The following ZNF492 variants were observed in gnomAD, a reference collection of about 807,000 sequenced individuals.
ZNF492 encodes zinc finger protein 492.
ZNF492 carries 3 observed loss-of-function variants against 6.4 expected under a neutral mutation model. The observed-to-expected ratio is 0.47, with a 90% CI of 0.21 to 1.22. ZNF492 has a LOEUF of 1.22. ZNF492 is among the 50% of genes most tolerant of loss of function. The pLI is 0.22. For synonymous variants in ZNF492, 112 were observed against 205.3 expected (o/e 0.55, Z 3.89); for missense variants, 356 against 612.5 (o/e 0.58, Z 4.42).
chr19:22,636,026 C>T (rs916397262), intron 1 of ZNF492, among the ~76,000 whole-genome samples: 2 of 152,170 alleles, frequency 1.3e-5, no homozygotes, highest in Non-Finnish European at 1.5e-5. Context: ...TCCCATTCTC[C>T]AACCTCAACT....
intron 3 of ZNF492, among the ~76,000 whole-genome samples, chr19:22,661,835 G>T (rs946533788): frequency 2.6e-5 from 4 of 152,028 alleles, no homozygotes; most frequent in African/African-American, 9.7e-5. Context: ...GACCTCAGCT[G>T]ATCCTCCCAC....
Position 22,653,372 on chromosome 19 carries a change from C to A in ZNF492, c.-28C>A, listed in dbSNP as rs765892342. ...TGGAGGAGTGGCAATGCCTGGACAC[C>A]GCACAGCAGAATTTATATAGGAATG... On this transcript the variant is annotated 5_prime_UTR_variant, in exon 2 of 4. Transcript: ENST00000456783. 3 of 1,613,760 alleles carry A rather than the reference C, an allele frequency of 1.9e-6. No homozygotes were observed. The highest frequency in any genetic ancestry group is 1.1e-5 in the South Asian group (1 of 91,060).
chr19:22,659,664 G>GTTTTTTT (rs1568356633), intron 3 of ZNF492, among the ~76,000 whole-genome samples: 2 of 126,932 alleles, frequency 1.6e-5, no homozygotes, highest in African/African-American at 3.1e-5. Flanking sequence ...GTTTTTTTTT[G>GTTTTTTT]TTGTTTTTTT....
At position 22,666,230 on chromosome 19, in the gene ZNF492, C is replaced by A. The variant is rs1428513759; in HGVS notation, c.*965C>A. ...TAGATGGAGTCTTGCTCTATCGCCC[C>A]CCCAGGCTGGAGTACAGTGGCACGA... On this transcript the variant is annotated 3_prime_UTR_variant, in exon 4 of 4. Coordinates refer to ENST00000456783, the MANE Select transcript of ZNF492 (RefSeq NM_020855.3). 1 of 150,282 alleles carries A rather than the reference C, an allele frequency of 6.7e-6. No homozygotes were observed. The highest frequency in any genetic ancestry group is 1.5e-5 in the Non-Finnish European group (1 of 67,640). The allele number at this position is 150,282 out of a possible 1,614,324, so 9.3% of individuals were successfully genotyped here.
At chr19:22,650,741 T>C (rs73927075) in intron 1 of ZNF492, among the ~76,000 whole-genome samples, 6,704 of 152,170 alleles carry the variant, frequency 0.044, 529 homozygotes, top group African/African-American at 0.15. Flanking sequence ...GGGACACCTC[T>C]TGGGACCAAG....
Position 22,664,668 on chromosome 19 carries a change from A to C in ZNF492, c.999A>C (p.Gly333=), listed in dbSNP as rs746267985. The C allele has an allele frequency of 6.2e-7, 1 of 1,611,250 alleles. No individual in the cohort carries two copies. Residue 333 remains glycine, a synonymous_variant, in exon 4 of 4, where the codon GGA becomes GGC. Coordinates refer to ENST00000456783, the MANE Select transcript of ZNF492 (RefSeq NM_020855.3). The part of the protein sequence containing the change: ...HLTTHKRIHS[G]EKPYKCEECG... ...CTACACATAAGAGAATTCATTCTGG[A>C]GAGAAACCCTACAAGTGTGAAGAAT...
intron 1 of ZNF492, among the ~76,000 whole-genome samples, chr19:22,650,370 CA>C (rs531977614): frequency 2.7e-4 from 41 of 152,110 alleles, no homozygotes; most frequent in Non-Finnish European, 4.9e-4. Context: ...CTGACAACCC[CA>C]GTTGGAGTAT....
At chr19:22,650,935 G>C (rs1484678747) in intron 1 of ZNF492, among the ~76,000 whole-genome samples, 6 of 152,092 alleles carry the variant, frequency 3.9e-5, no homozygotes, top group African/African-American at 1.2e-4. Flanking sequence ...CTGTAGTGCT[G>C]GTCACCCCTC....
intron 3 of ZNF492, among the ~76,000 whole-genome samples, chr19:22,659,589 CACAGAGAGAG>C (rs1336129992): frequency 6.7e-6 from 1 of 149,846 alleles, no homozygotes; most frequent in African/African-American, 2.5e-5. Flanking sequence ...CACACACACA[CACAGAGAGAG>C]AGAGAGACGT....
In ZNF492 at chr19:22,664,912, C is replaced by G; in HGVS notation, c.1243C>G (p.His415Asp). 3 of 1,610,550 alleles carry G rather than the reference C, an allele frequency of 1.9e-6. No homozygotes were observed. The highest frequency in any genetic ancestry group is 2.5e-6 in the Non-Finnish European group (3 of 1,177,856). ...ACAACTTACTACACATAAGATAATTCATACTGGAGAGAAACCCTACAAATG... is the reference window on the plus strand; with the variant it reads ...ACAACTTACTACACATAAGATAATTGATACTGGAGAGAAACCCTACAAATG... ...SSQLTTHKII[H>D]TGEKPYKCEE... is the part of the protein sequence containing the mutation. The change falls in exon 4 of 4, where the codon CAT becomes GAT. Residue 415 changes from histidine to aspartate, a missense_variant. His to Asp is a moderately conservative substitution (Grantham distance 81, BLOSUM62 -1). Around this residue, in one of 7 missense-constraint regions of ZNF492, gnomAD observed 21 missense variants for 55.3 expected, o/e 0.38. Transcript: ENST00000456783.
chr19:22,657,985 T>A (rs1183840228), intron 3 of ZNF492, among the ~76,000 whole-genome samples: 21 of 152,172 alleles, frequency 1.4e-4, no homozygotes, highest in Non-Finnish European at 2.9e-5. Context: ...ATAAACATAT[T>A]TCCTATGTGT....
At position 22,662,662 on chromosome 19, in the gene ZNF492, AT is replaced by A. The variant is rs1425333160; in HGVS notation, c.131-1135del. Among the ~76,000 whole-genome samples, 3 of 150,402 alleles carry A rather than the reference AT, an allele frequency of 2.0e-5. No individual in the cohort carries two copies. The East Asian group carries it at 5.9e-4, about 29-fold the overall frequency. The stretch of plus-strand genomic sequence containing the variant: ...GAGATGGTATCTCATTGTGGTTTTG[AT>A]TTGCATTTCTCGGATGGCCAGTGAT... On this transcript the variant is annotated intron_variant, in intron 3 of 3. Transcript: ENST00000456783.
chr19:22,667,036 C>G lies in ZNF492; in HGVS notation c.*1771C>G, dbSNP rs1341835323. 2 of 152,156 alleles carry G rather than the reference C, an allele frequency of 1.3e-5. No individual in the cohort carries two copies. Among genetic ancestry groups the G allele is most frequent in the Non-Finnish European group, 2.9e-5 (2 of 68,070 alleles). The allele number at this position is 152,156 out of a possible 1,614,324, so 9.4% of individuals were successfully genotyped here. A position where few individuals can be genotyped will look rare whatever the true frequency, so the allele number is the denominator to read the frequency against. On this transcript the variant is annotated 3_prime_UTR_variant, in exon 4 of 4. Coordinates refer to ENST00000456783, the MANE Select transcript of ZNF492 (RefSeq NM_020855.3). ...CTGAGGTCGGGAGTTCAAGACCAGCCTGACCAACATGGAGAAACGCCATCT... is the reference window on the plus strand; with the variant it reads ...CTGAGGTCGGGAGTTCAAGACCAGCGTGACCAACATGGAGAAACGCCATCT...
intron 1 of ZNF492, among the ~76,000 whole-genome samples, chr19:22,635,448 AT>A (rs1214581687): frequency 6.6e-6 from 1 of 152,162 alleles, no homozygotes; most frequent in Non-Finnish European, 1.5e-5. Flanking sequence ...TTCATACTGT[AT>A]TTTAATTAAT....
At chr19:22,637,337 C>G (rs774568478) in intron 1 of ZNF492, among the ~76,000 whole-genome samples, 1 of 151,938 alleles carries the variant, frequency 6.6e-6, no homozygotes, top group Non-Finnish European at 1.5e-5. Context: ...GTTGTCCAGA[C>G]TGGAGTGCAG....
At position 22,665,304 on chromosome 19, in the gene ZNF492, A is replaced by T; in HGVS notation, c.*39A>T. The T allele has an allele frequency of 6.6e-7, 1 of 1,505,920 alleles. No individual in the cohort carries two copies. Among genetic ancestry groups the T allele is most frequent in the Non-Finnish European group, 8.9e-7 (1 of 1,128,026 alleles). 93.3% of individuals were successfully genotyped at this position (1,505,920 alleles called of 1,614,324 possible). On this transcript the variant is annotated 3_prime_UTR_variant, in exon 4 of 4. Coordinates refer to ENST00000456783, the MANE Select transcript of ZNF492 (RefSeq NM_020855.3). ...GTGACAAAGCCTTTAAATGGTTATC[A>T]CACTGGATTGTAGGTAAGGTAATTC...
At chr19:22,654,132 C>T in intron 3 of ZNF492, 117 bp downstream of exon 3, 1 of 1,265,926 alleles carries the variant, frequency 7.9e-7, no homozygotes, top group Non-Finnish European at 1.1e-6. Context: ...GAAATAGTTT[C>T]TGGGAAGCCT....
intron 1 of ZNF492, among the ~76,000 whole-genome samples, chr19:22,640,592 A>G (rs925403893): frequency 3.3e-5 from 5 of 152,192 alleles, no homozygotes; most frequent in African/African-American, 9.6e-5. Flanking sequence ...ATGTTCATCA[A>G]GAATATTGGT....
At chr19:22,645,345 C>G (rs1351228817) in intron 1 of ZNF492, among the ~76,000 whole-genome samples, 3 of 152,210 alleles carry the variant, frequency 2.0e-5, no homozygotes, top group South Asian at 4.1e-4. Context: ...CTACACCCAG[C>G]CTTTGCTCAC....
Sources: gnomAD v4.1 joint callset for allele counts (sites outside exome capture counted in the v4.1 genomes callset) on GRCh38, gnomAD v4.1.1 for gene constraint, gnomAD v4.1.1 regional missense constraint, MANE v1.5 for transcripts, NCBI Gene and HGNC (gene_info 2026-07-23, HGNC 2026-07-21) for gene names.